Variants in ASAP1 observed in about 807,000 individuals in gnomAD.
The protein encoded by ASAP1 is arf-GAP with SH3 domain, ANK repeat and PH domain-containing protein 1.
Under a neutral mutation model 145.2 loss-of-function variants are expected in ASAP1, and 43 were observed. The ratio of observed to expected loss-of-function variants is 0.30; its 90% CI spans 0.23 to 0.38. The LOEUF is 0.38. Ranked by LOEUF, ASAP1 falls within the 10% of genes least tolerant of loss-of-function variation. The probability of loss-of-function intolerance (pLI) is 1.00; values close to 1 mark genes in which losing one functional copy is unlikely to be tolerated. For synonymous variants in ASAP1, 546 were observed against 515.5 expected, an observed-to-expected ratio of 1.06 and a Z score of -0.80; for missense variants, 1,018 against 1,355.3, an observed-to-expected ratio of 0.75 and a Z score of 3.91.
At chr8:130,132,792 A>T (rs185453792) in intron 15 of ASAP1, among the ~76,000 whole-genome samples, 1 of 151,868 alleles carries the variant, frequency 6.6e-6, no homozygotes, top group South Asian at 2.1e-4. Flanking sequence ...GACCTTTCTC[A>T]TCCTTTTCCT....
chr8:130,431,418 C>T (rs369620806), intron 1 of ASAP1, among the ~76,000 whole-genome samples: 1 of 152,324 alleles, frequency 6.6e-6, no homozygotes, highest in South Asian at 2.1e-4. Flanking sequence ...CTACCTCAAA[C>T]GTTAGGTTCC....
chr8:130,216,952 C>A (rs1816965015), intron 4 of ASAP1, among the ~76,000 whole-genome samples: 1 of 152,242 alleles, frequency 6.6e-6, no homozygotes, highest in Admixed American at 6.5e-5. Flanking sequence ...GCATCCAATG[C>A]AACACTGTTA....
At chr8:130,091,843 C>T in intron 25 of ASAP1, 130 bp downstream of exon 25, 1 of 996,054 alleles carries the variant, frequency 1.0e-6, no homozygotes, top group Non-Finnish European at 1.4e-6. Context: ...GTCATATATA[C>T]CCGAGTCAGC....
chr8:130,249,827 A>G (rs1292655291), intron 3 of ASAP1, among the ~76,000 whole-genome samples: 2 of 152,142 alleles, frequency 1.3e-5, no homozygotes, highest in Non-Finnish European at 2.9e-5. Context: ...CAGAAACTGG[A>G]ACCTACCATC....
At chr8:130,129,000 T>C (rs962367230) in intron 15 of ASAP1, among the ~76,000 whole-genome samples, 4 of 152,188 alleles carry the variant, frequency 2.6e-5, no homozygotes, top group Non-Finnish European at 5.9e-5. Context: ...GAGAGACCCG[T>C]GTAGGAGGTG....
At chr8:130,196,379 A>G (rs1248672709) in intron 5 of ASAP1, among the ~76,000 whole-genome samples, 10 of 151,344 alleles carry the variant, frequency 6.6e-5, no homozygotes, top group Non-Finnish European at 4.4e-5. Flanking sequence ...ACACTGTACT[A>G]TCATTTCTGG....
chr8:130,145,344 G>A (rs1167428441), intron 13 of ASAP1, among the ~76,000 whole-genome samples: 2 of 152,054 alleles, frequency 1.3e-5, no homozygotes, highest in Non-Finnish European at 1.5e-5. Flanking sequence ...TTTAGACGGA[G>A]TCTCGCTCTG....
intron 24 of ASAP1, among the ~76,000 whole-genome samples, chr8:130,102,825 A>G (rs1564960820): frequency 1.3e-5 from 2 of 152,234 alleles, no homozygotes; most frequent in East Asian, 3.9e-4. Context: ...AGTTAGCACC[A>G]CAGGTAGGTA....
intron 26 of ASAP1, among the ~76,000 whole-genome samples, chr8:130,079,653 T>A (rs2097474172): frequency 6.7e-6 from 1 of 149,846 alleles, no homozygotes. Context: ...GGAAGTGAGG[T>A]TAGCTCCTGT....
intron 3 of ASAP1, among the ~76,000 whole-genome samples, chr8:130,245,840 A>C (rs1190138764): frequency 6.6e-6 from 1 of 152,184 alleles, no homozygotes; most frequent in Non-Finnish European, 1.5e-5. Context: ...AGTGTTTATT[A>C]CAATCACTTA....
At position 130,165,226 on chromosome 8, in the gene ASAP1, G is replaced by GT. The variant is rs1565039225; in HGVS notation, c.909+2309dup. ...TCTCCATGCAAAACAAAAAGGGGTTGTAACAGTCCTCCTCTTTATTTTTCA... is the reference window on the plus strand; with the variant it reads ...TCTCCATGCAAAACAAAAAGGGGTTGTTAACAGTCCTCCTCTTTATTTTTCA... On this transcript the variant is annotated intron_variant, in intron 11 of 29. Transcript: ENST00000518721. Among the ~76,000 whole-genome samples, 3 of 152,256 alleles carry GT rather than the reference G, an allele frequency of 2.0e-5. No homozygotes were observed. In the South Asian group the frequency reaches 6.2e-4, roughly 32 times the overall value.
intron 3 of ASAP1, among the ~76,000 whole-genome samples, chr8:130,353,749 A>T (rs978844010): frequency 6.6e-6 from 1 of 152,170 alleles, no homozygotes; most frequent in Admixed American, 6.5e-5. Context: ...GTGCACCTGT[A>T]GTCCCAGCTG....
chr8:130,300,451 T>C (rs745894681), intron 3 of ASAP1, among the ~76,000 whole-genome samples: 2 of 152,208 alleles, frequency 1.3e-5, no homozygotes, highest in Non-Finnish European at 2.9e-5. Flanking sequence ...AACCATATTG[T>C]GGAAGTTCTC....
In ASAP1 at chr8:130,062,277, C is replaced by T. The variant is rs539221030; in HGVS notation, c.2702-1208G>A. ...TAGGAATTTGATCCTAAAAATATAACGTATTCAGAAAGACATTCTTAAAGA... is the reference window on the plus strand; with the variant it reads ...TAGGAATTTGATCCTAAAAATATAATGTATTCAGAAAGACATTCTTAAAGA... On this transcript the variant is annotated intron_variant, in intron 27 of 29. Transcript: ENST00000518721. 3.3e-5 allele frequency among the ~76,000 whole-genome samples: 5 copies of T among 152,254 alleles called. No individual in the cohort carries two copies. In the East Asian group the frequency reaches 5.8e-4, roughly 18 times the overall value.
chr8:130,200,558 T>A (rs910415770), intron 5 of ASAP1, among the ~76,000 whole-genome samples: 5 of 152,106 alleles, frequency 3.3e-5, no homozygotes, highest in African/African-American at 9.7e-5. Flanking sequence ...GTTAAAAAAA[T>A]TATATGACTT....
intron 3 of ASAP1, among the ~76,000 whole-genome samples, chr8:130,341,357 G>A (rs1292159633): frequency 1.3e-5 from 2 of 152,124 alleles, no homozygotes; most frequent in East Asian, 3.9e-4. Flanking sequence ...ACTTAACCAA[G>A]CATCAGTTGT....
intron 3 of ASAP1, among the ~76,000 whole-genome samples, chr8:130,239,251 T>C (rs1818386749): frequency 6.6e-6 from 1 of 152,122 alleles, no homozygotes; most frequent in African/African-American, 2.4e-5. Flanking sequence ...AAGATTTGCA[T>C]TGTAGAGGAA....
intron 3 of ASAP1, among the ~76,000 whole-genome samples, chr8:130,305,271 C>T (rs914177938): frequency 2.0e-5 from 3 of 152,252 alleles, no homozygotes; most frequent in Non-Finnish European, 4.4e-5. Flanking sequence ...GCACATACTT[C>T]TTAGTCTCTT....
chr8:130,436,263 G>C (rs1411766131), intron 1 of ASAP1, among the ~76,000 whole-genome samples: 1 of 152,164 alleles, frequency 6.6e-6, no homozygotes, highest in Non-Finnish European at 1.5e-5. Flanking sequence ...CTAGTACTTT[G>C]GAAGGCTGAG....
Sources: allele counts gnomAD v4.1 joint callset (sites outside exome capture counted in the v4.1 genomes callset), GRCh38; gene constraint gnomAD v4.1.1; transcripts MANE v1.5; gene names NCBI Gene and HGNC (gene_info 2026-07-23, HGNC 2026-07-21).